CDH13: variants seen among roughly 807,000 people sequenced by gnomAD.
The protein encoded by CDH13 is cadherin-13.
CDH13 carries 24 observed loss-of-function variants against 63.8 expected under a neutral mutation model. The observed-to-expected ratio is 0.38, with a 90% confidence interval of 0.27 to 0.53. The LOEUF is 0.53. Ranked by LOEUF, CDH13 falls within the 20% of genes least tolerant of loss-of-function variation. The pLI is 0.85. For synonymous variants in CDH13, 503 were observed against 355.3 expected, an observed-to-expected ratio of 1.42 and a Z score of -4.67; for missense variants, 1,049 against 903.1, an observed-to-expected ratio of 1.16 and a Z score of -2.07.
intron 1 of CDH13, among the ~76,000 whole-genome samples, chr16:82,764,634 G>A (rs543079162): frequency 6.6e-6 from 1 of 152,280 alleles, no homozygotes; most frequent in Non-Finnish European, 1.5e-5. Context: ...CACAGTAGGT[G>A]CTCAATAAAC....
chr16:82,994,693 C>A (rs1422837568), intron 2 of CDH13, among the ~76,000 whole-genome samples: 1 of 152,138 alleles, frequency 6.6e-6, no homozygotes, highest in African/African-American at 2.4e-5. Flanking sequence ...ATGAAACTAC[C>A]AATCTCCATT....
Position 83,701,086 on chromosome 16 carries a change from T to C in CDH13, c.1538+22625T>C, listed in dbSNP as rs76803643. Among the ~76,000 whole-genome samples the C allele has an allele frequency of 9.9e-3, 1,502 of 152,298 alleles. 26 individuals are homozygous for C. The highest frequency in any genetic ancestry group is 0.035 in the African/African-American group (1,446 of 41,570). On this transcript the variant is annotated intron_variant, in intron 10 of 13. Coordinates refer to ENST00000567109, the MANE Select transcript of CDH13 (RefSeq NM_001257.5). ...TTTCATGTCACTACCTAGACAGTCG[T>C]GTGAGTGCTCCAGCAGTGAGGGATC... is the stretch of plus-strand genomic sequence containing the variant.
At chr16:83,248,032 T>A (rs1905136760) in intron 5 of CDH13, among the ~76,000 whole-genome samples, 1 of 152,156 alleles carries the variant, frequency 6.6e-6, no homozygotes, top group South Asian at 2.1e-4. Context: ...GAAGGCAAGA[T>A]GAATCTGGAG....
At chr16:82,820,772 T>C (rs750434675) in intron 1 of CDH13, among the ~76,000 whole-genome samples, 3 of 152,226 alleles carry the variant, frequency 2.0e-5, no homozygotes, top group Admixed American at 2.0e-4. Context: ...TTATTAAGGA[T>C]TATACATTTA....
intron 5 of CDH13, among the ~76,000 whole-genome samples, chr16:83,259,508 G>T (rs1429978563): frequency 1.3e-5 from 2 of 152,064 alleles, no homozygotes; most frequent in Admixed American, 6.5e-5. Flanking sequence ...TGTTGGTTTG[G>T]TTGATTACAT....
intron 5 of CDH13, among the ~76,000 whole-genome samples, chr16:83,235,839 ACTTTTTT>A (rs2040128430): frequency 6.6e-6 from 1 of 152,134 alleles, no homozygotes; most frequent in Non-Finnish European, 1.5e-5. Flanking sequence ...TCTCAAAGAC[ACTTTTTT>A]CTTTTTTGTC....
intron 3 of CDH13, among the ~76,000 whole-genome samples, chr16:83,053,186 C>G (rs1272656922): frequency 2.0e-5 from 3 of 152,138 alleles, no homozygotes; most frequent in Non-Finnish European, 4.4e-5. Flanking sequence ...AGAATGACCA[C>G]AGAATATGTC....
At chr16:83,517,589 C>T (rs1006594768) in intron 7 of CDH13, among the ~76,000 whole-genome samples, 1 of 152,078 alleles carries the variant, frequency 6.6e-6, no homozygotes, top group Non-Finnish European at 1.5e-5. Context: ...GCCCCACCTA[C>T]CTGAAGGGAG....
At chr16:83,362,675 C>G (rs117985112) in intron 6 of CDH13, among the ~76,000 whole-genome samples, 5 of 152,186 alleles carry the variant, frequency 3.3e-5, no homozygotes, top group Non-Finnish European at 2.9e-5. Flanking sequence ...TTTGCCTGAC[C>G]TCAAATACCA....
At position 83,444,487 on chromosome 16, in the gene CDH13, G is replaced by A. The variant is rs139868521; in HGVS notation, c.782-41990G>A. On this transcript the variant is annotated intron_variant, in intron 6 of 13. Coordinates refer to ENST00000567109, the MANE Select transcript of CDH13 (RefSeq NM_001257.5). ...ACCTGGAAAGATTTTTTAAAATCTT[G>A]ACCCAGAGGTTGAGTAATGTGCTCA... is the stretch of plus-strand genomic sequence containing the variant. Among the ~76,000 whole-genome samples, 794 of 152,200 alleles carry A rather than the reference G, an allele frequency of 5.2e-3. 11 individuals carry two copies. Among genetic ancestry groups the A allele is most frequent in the African/African-American group, 0.017 (699 of 41,518 alleles).
At chr16:83,206,101 C>T (rs922847110) in intron 4 of CDH13, among the ~76,000 whole-genome samples, 3 of 152,068 alleles carry the variant, frequency 2.0e-5, no homozygotes, top group African/African-American at 4.8e-5. Flanking sequence ...GTGACTCATA[C>T]ATGGCCTATG....
chr16:82,707,838 G>C (rs2151001343), intron 1 of CDH13, among the ~76,000 whole-genome samples: 1 of 152,284 alleles, frequency 6.6e-6, no homozygotes, highest in East Asian at 1.9e-4. Context: ...CAGAGAAGAG[G>C]AACACAGTAA....
intron 1 of CDH13, among the ~76,000 whole-genome samples, chr16:82,806,620 G>C (rs1238500387): frequency 1.3e-5 from 2 of 152,170 alleles, no homozygotes; most frequent in African/African-American, 4.8e-5. Flanking sequence ...CTTTCAGACT[G>C]CCTGATGGGA....
chr16:82,888,136 C>T lies in CDH13; in HGVS notation c.157+29663C>T, dbSNP rs573212147. ...CTGAGATCCAAGTTCCAAAAAGCACCGAACAACCTTTTGGGAAGAAAACAT... is the reference window on the plus strand; with the variant it reads ...CTGAGATCCAAGTTCCAAAAAGCACTGAACAACCTTTTGGGAAGAAAACAT... On this transcript the variant is annotated intron_variant, in intron 2 of 13. Transcript: ENST00000567109. Among the ~76,000 whole-genome samples the T allele has an allele frequency of 5.3e-5, 8 of 152,180 alleles. No individual in the cohort carries two copies. In the South Asian group the frequency reaches 1.3e-3, roughly 24 times the overall value.
chr16:83,516,290 G>T (rs2074697525), intron 7 of CDH13, among the ~76,000 whole-genome samples: 3 of 152,168 alleles, frequency 2.0e-5, no homozygotes. Flanking sequence ...CCATTCTGAG[G>T]TTCTCTTCTC....
In CDH13 at chr16:83,570,972, A is replaced by ATATATATATATATATAT. The variant is rs57638289; in HGVS notation, c.961-31482_961-31481insTATATATATATATATAT. Among the ~76,000 whole-genome samples, 106 of 109,498 alleles carry ATATATATATATATATAT rather than the reference A, an allele frequency of 9.7e-4. 3 individuals carry two copies. The highest frequency in any genetic ancestry group is 3.2e-3 in the Admixed American group (31 of 9,664). The allele number at this position is 109,498 out of a possible 152,430, so 71.8% of individuals were successfully genotyped here. ...ATATATATATATATATATATATATAAAAACCTTCTGGCGCCACCCAAGGGC... is the reference window on the plus strand; with the variant it reads ...ATATATATATATATATATATATATAATATATATATATATATATAAACCTTCTGGCGCCACCCAAGGGC... On this transcript the variant is annotated intron_variant, in intron 7 of 13. Transcript: ENST00000567109.
intron 12 of CDH13, among the ~76,000 whole-genome samples, chr16:83,782,397 G>A (rs565854264): frequency 6.6e-6 from 1 of 151,932 alleles, no homozygotes; most frequent in Non-Finnish European, 1.5e-5. Context: ...TATGTTGCGG[G>A]TTCCCACCCA....
Position 82,675,271 on chromosome 16 carries a change from C to G in CDH13, c.45+48134C>G, listed in dbSNP as rs73601045. ...TTCTTGGTTTAAATGTGAAATAGAA[C>G]CTGAGATTATTTTTCATAAATTTAT... On this transcript the variant is annotated intron_variant, in intron 1 of 13. Coordinates refer to ENST00000567109, the MANE Select transcript of CDH13 (RefSeq NM_001257.5). Among the ~76,000 whole-genome samples, 145 of 152,214 alleles carry G rather than the reference C, an allele frequency of 9.5e-4. 1 individual carries two copies. The highest frequency in any genetic ancestry group is 3.4e-3 in the African/African-American group (143 of 41,544).
intron 1 of CDH13, among the ~76,000 whole-genome samples, chr16:82,689,754 G>C (rs1216159829): frequency 6.6e-6 from 1 of 151,896 alleles, no homozygotes; most frequent in African/African-American, 2.4e-5. Context: ...GACAAACTGG[G>C]CTGTCTGCTT....
Sources: gnomAD v4.1 joint callset for allele counts (sites outside exome capture counted in the v4.1 genomes callset) on GRCh38, gnomAD v4.1.1 for gene constraint, MANE v1.5 for transcripts, NCBI Gene and HGNC (gene_info 2026-07-23, HGNC 2026-07-21) for gene names.